The following ARHGAP10 variants were observed in gnomAD, a reference collection of about 807,000 sequenced individuals.
The protein encoded by ARHGAP10 is Rho GTPase activating protein 10.
A neutral mutation model predicts 108.6 loss-of-function variants in ARHGAP10; 87 were observed. The ratio of observed to expected loss-of-function variants is 0.80; its 90% CI spans 0.67 to 0.96. The LOEUF (loss-of-function observed/expected upper bound fraction) is 0.96, where lower values mean the gene tolerates loss of function less well. ARHGAP10 is among the 40% of genes least tolerant of loss of function. The probability of loss-of-function intolerance (pLI) is 0.00; values close to 1 mark genes in which losing one functional copy is unlikely to be tolerated. For synonymous variants in ARHGAP10, 347 were observed against 341.1 expected (o/e 1.02, Z -0.19); for missense variants, 939 against 954.5 (o/e 0.98, Z 0.21).
intron 13 of ARHGAP10, among the ~76,000 whole-genome samples, chr4:147,930,444 G>A (rs1029610251): frequency 3.3e-5 from 5 of 152,092 alleles, no homozygotes; most frequent in Admixed American, 1.3e-4. Flanking sequence ...TGGAGCTATC[G>A]GGTATAAAAA....
At chr4:147,823,373 C>T (rs1366144993) in intron 3 of ARHGAP10, among the ~76,000 whole-genome samples, 1 of 152,114 alleles carries the variant, frequency 6.6e-6, no homozygotes, top group African/African-American at 2.4e-5. Flanking sequence ...CTGTAGATTT[C>T]TAGGCTGTGT....
intron 13 of ARHGAP10, among the ~76,000 whole-genome samples, chr4:147,930,759 A>G (rs753409185): frequency 1.5e-4 from 23 of 151,490 alleles, no homozygotes; most frequent in Middle Eastern, 3.4e-3. Context: ...CTTTATTCTA[A>G]TGGTACTTTG....
At chr4:147,888,088 A>G (rs1735642289) in intron 10 of ARHGAP10, among the ~76,000 whole-genome samples, 1 of 151,842 alleles carries the variant, frequency 6.6e-6, no homozygotes, top group African/African-American at 2.4e-5. Context: ...CAAGGACATC[A>G]CACTCCCTCT....
intron 8 of ARHGAP10, among the ~76,000 whole-genome samples, chr4:147,878,241 G>A (rs182949023): frequency 3.2e-4 from 49 of 152,090 alleles, no homozygotes; most frequent in Non-Finnish European, 5.9e-4. Flanking sequence ...GACTACAGGC[G>A]CGTGCCACCA....
intron 3 of ARHGAP10, among the ~76,000 whole-genome samples, chr4:147,839,558 A>G (rs1733328460): frequency 6.6e-6 from 1 of 152,208 alleles, no homozygotes; most frequent in Non-Finnish European, 1.5e-5. Flanking sequence ...ATTGTTACTA[A>G]AGATACTATA....
At chr4:147,865,159 A>G (rs933794738) in intron 6 of ARHGAP10, 8 of 492,600 alleles carry the variant, frequency 1.6e-5, no homozygotes, top group Non-Finnish European at 2.5e-5. Flanking sequence ...ATTTGCACTG[A>G]TAATACACGT....
intron 1 of ARHGAP10, among the ~76,000 whole-genome samples, chr4:147,789,655 C>T (rs967643231): frequency 4.6e-5 from 7 of 152,216 alleles, no homozygotes; most frequent in African/African-American, 7.2e-5. Flanking sequence ...CTTTGGCCAC[C>T]TGGCCAAATC....
At chr4:147,742,081 T>C (rs966142743) in intron 1 of ARHGAP10, among the ~76,000 whole-genome samples, 18 of 152,144 alleles carry the variant, frequency 1.2e-4, no homozygotes, top group African/African-American at 4.3e-4. Context: ...CATGGTGAGA[T>C]GTGTGGCTGG....
chr4:147,733,318 C>G (rs1309985252), intron 1 of ARHGAP10, among the ~76,000 whole-genome samples: 1 of 151,680 alleles, frequency 6.6e-6, no homozygotes, highest in Admixed American at 6.5e-5. Context: ...GTTAGTGATG[C>G]TACTGGAAAA....
chr4:147,972,910 A>T (rs1470909282), intron 18 of ARHGAP10, among the ~76,000 whole-genome samples: 1 of 151,990 alleles, frequency 6.6e-6, no homozygotes, highest in Non-Finnish European at 1.5e-5. Flanking sequence ...ATGTGCCACC[A>T]TGCCTGGCTA....
At chr4:147,834,051 A>G (rs1014211123) in intron 3 of ARHGAP10, among the ~76,000 whole-genome samples, 11 of 152,232 alleles carry the variant, frequency 7.2e-5, no homozygotes, top group Non-Finnish European at 1.6e-4. Flanking sequence ...GCAACTAGGT[A>G]AATAAAAGGA....
At chr4:147,947,070 A>G (rs1738414809) in intron 15 of ARHGAP10, among the ~76,000 whole-genome samples, 1 of 152,194 alleles carries the variant, frequency 6.6e-6, no homozygotes, top group Admixed American at 6.5e-5. Flanking sequence ...TTTAAAGTTT[A>G]AATGATTTGA....
intron 1 of ARHGAP10, among the ~76,000 whole-genome samples, chr4:147,814,716 G>T (rs1049124774): frequency 1.3e-5 from 2 of 152,148 alleles, no homozygotes; most frequent in African/African-American, 2.4e-5. Flanking sequence ...TAAAAACAAT[G>T]CTTTGAAATA....
intron 20 of ARHGAP10, among the ~76,000 whole-genome samples, chr4:148,048,838 G>A (rs1254128606): frequency 1.3e-5 from 2 of 152,106 alleles, no homozygotes; most frequent in African/African-American, 4.8e-5. Flanking sequence ...TAAATCAAAT[G>A]AGGAGTGAAT....
intron 18 of ARHGAP10, among the ~76,000 whole-genome samples, chr4:148,013,555 G>A (rs1257935414): frequency 6.6e-6 from 1 of 152,096 alleles, no homozygotes; most frequent in Non-Finnish European, 1.5e-5. Flanking sequence ...GGGCATGGTG[G>A]CGGGCGCCTG....
At chr4:148,036,983 G>GA (rs1033187640) in intron 19 of ARHGAP10, among the ~76,000 whole-genome samples, 6 of 151,696 alleles carry the variant, frequency 4.0e-5, no homozygotes, top group African/African-American at 7.3e-5. Flanking sequence ...GAGCTACTTG[G>GA]AAAAAAAACA....
At chr4:148,003,590 G>A (rs1397698011) in intron 18 of ARHGAP10, among the ~76,000 whole-genome samples, 2 of 152,128 alleles carry the variant, frequency 1.3e-5, no homozygotes, top group South Asian at 4.2e-4. Context: ...ATGAATCTGG[G>A]TGCTCCTGTA....
intron 4 of ARHGAP10, among the ~76,000 whole-genome samples, chr4:147,853,893 G>T (rs59533896): frequency 0.063 from 9,573 of 152,126 alleles, 962 homozygotes; most frequent in African/African-American, 0.21. Context: ...ATTTTGATAT[G>T]AGATGAGGTT....
At chr4:148,064,591 T>A in intron 22 of ARHGAP10, 84 bp downstream of exon 22, 1 of 1,291,184 alleles carries the variant, frequency 7.7e-7, no homozygotes, top group Non-Finnish European at 1.1e-6. Flanking sequence ...TCAGCGATGG[T>A]GCTGTTGTCG....
Sources: gnomAD v4.1 joint callset for allele counts (sites outside exome capture counted in the v4.1 genomes callset) on GRCh38, gnomAD v4.1.1 for gene constraint, MANE v1.5 for transcripts, NCBI Gene and HGNC (gene_info 2026-07-23, HGNC 2026-07-21) for gene names.